RALGAPB: variants seen among roughly 807,000 people sequenced by gnomAD.
The protein encoded by RALGAPB is Ral GTPase activating protein non-catalytic subunit beta.
A neutral mutation model predicts 161.1 loss-of-function variants in RALGAPB; 25 were observed. That is an observed-to-expected ratio of 0.16 (90% confidence interval 0.11 to 0.22). The LOEUF is 0.22. Among genes scored for constraint, RALGAPB ranks in the 10% least tolerant of loss-of-function variants. The pLI is 1.00. For synonymous variants in RALGAPB, 629 were observed against 626.1 expected (o/e 1.00, Z -0.07); for missense variants, 1,391 against 1,815.2 (o/e 0.77, Z 4.25).
intron 2 of RALGAPB, 99 bp from the exon 3 acceptor site, chr20:38,492,831 A>C: frequency 1.1e-6 from 1 of 951,428 alleles, no homozygotes; most frequent in Non-Finnish European, 1.6e-6. Flanking sequence ...TATACTGTCA[A>C]TTTAGAGGTT....
At chr20:38,531,041 A>T in intron 13 of RALGAPB, 126 bp from the exon 14 acceptor site, 1 of 755,054 alleles carries the variant, frequency 1.3e-6, no homozygotes, top group Non-Finnish European at 2.2e-6. Flanking sequence ...CTATAATTTC[A>T]TGGGTATTTC....
At chr20:38,486,823 G>C (rs987865278) in intron 1 of RALGAPB, among the ~76,000 whole-genome samples, 1 of 152,084 alleles carries the variant, frequency 6.6e-6, no homozygotes, top group Non-Finnish European at 1.5e-5. Context: ...GTGGAATAGA[G>C]GGAATACCTT....
At chr20:38,531,377 A>C (rs1272227741) in intron 14 of RALGAPB, 146 bp downstream of exon 14, 1 of 687,650 alleles carries the variant, frequency 1.5e-6, no homozygotes, top group African/African-American at 1.8e-5. Context: ...TTTTAAAAAT[A>C]ATGTATATTT....
intron 1 of RALGAPB, among the ~76,000 whole-genome samples, chr20:38,473,881 A>C (rs2084724262): frequency 6.6e-6 from 1 of 152,190 alleles, no homozygotes; most frequent in Non-Finnish European, 1.5e-5. Context: ...CTTGCAGCAA[A>C]GTTTGGGAAC....
rs192319300 is a variant in RALGAPB at position 38,490,301 on chromosome 20, C to T, written c.186+1683C>T. 4.9e-3 allele frequency among the ~76,000 whole-genome samples: 744 copies of T among 152,246 alleles called. 4 individuals carry two copies. The highest frequency in any genetic ancestry group is 0.017 in the African/African-American group (698 of 41,542). ...TTGGCTCACTGCAAGCTCCACTTCCCGGGTTCACACCATTCTCCTGCCTCA... is the reference window on the plus strand; with the variant it reads ...TTGGCTCACTGCAAGCTCCACTTCCTGGGTTCACACCATTCTCCTGCCTCA... On this transcript the variant is annotated intron_variant, in intron 2 of 29. Transcript: ENST00000262879.
rs754287697 is a variant in RALGAPB at position 38,524,784 on chromosome 20, C to T, written c.1626C>T (p.Tyr542=). ...TTTTTTCTTGCTTTCCTAGATTTTA[C>T]ATGCTTTTAATTCAAGGTTTGCAGA... ...EILPAYLSRF[Y]MLLIQGLQIN... Residue 542 remains tyrosine (Y), a synonymous_variant, in exon 11 of 30, where the codon TAC becomes TAT. Transcript: ENST00000262879. 1.9e-6 allele frequency: 3 copies of T among 1,601,170 alleles called. No individual in the cohort carries two copies.
chr20:38,528,894 C>T (rs537765879), intron 13 of RALGAPB, among the ~76,000 whole-genome samples: 1 of 152,166 alleles, frequency 6.6e-6, no homozygotes, highest in South Asian at 2.1e-4. Flanking sequence ...GTTGGCCAAG[C>T]TGGTCTTGAA....
intron 15 of RALGAPB, among the ~76,000 whole-genome samples, chr20:38,534,564 G>A (rs2145355474): frequency 6.6e-6 from 1 of 152,254 alleles, no homozygotes; most frequent in Non-Finnish European, 1.5e-5. Context: ...AAGTAATCCT[G>A]GAGAATTAAA....
At chr20:38,484,991 C>A (rs1301958602) in intron 1 of RALGAPB, among the ~76,000 whole-genome samples, 8 of 152,048 alleles carry the variant, frequency 5.3e-5, no homozygotes, top group Non-Finnish European at 1.0e-4. Flanking sequence ...CACCACCACA[C>A]CTGCCTGGTG....
chr20:38,570,135 C>A, intron 27 of RALGAPB, 139 bp downstream of exon 27: 1 of 614,590 alleles, frequency 1.6e-6, no homozygotes, highest in Non-Finnish European at 2.9e-6. Context: ...GTTTGTACCC[C>A]AGCTCCACTA....
chr20:38,502,670 C>G (rs1027043264), intron 5 of RALGAPB, among the ~76,000 whole-genome samples: 2 of 152,212 alleles, frequency 1.3e-5, no homozygotes, highest in Non-Finnish European at 2.9e-5. Flanking sequence ...ACTGCAACCT[C>G]TGCCTCATTG....
At chr20:38,532,950 C>A in intron 15 of RALGAPB, 91 bp downstream of exon 15, 1 of 1,367,992 alleles carries the variant, frequency 7.3e-7, no homozygotes, top group Non-Finnish European at 1.0e-6. Context: ...TGTTAATGTT[C>A]ATGTTTTTTA....
chr20:38,534,126 G>A (rs1345985024), intron 15 of RALGAPB, among the ~76,000 whole-genome samples: 46 of 137,176 alleles, frequency 3.4e-4, no homozygotes, highest in Non-Finnish European at 4.4e-4. Context: ...GCAACAGAGC[G>A]AGACTCCATC....
rs188663298 is a variant in RALGAPB at position 38,561,698 on chromosome 20, T to G, written c.3532-834T>G. On this transcript the variant is annotated intron_variant, in intron 23 of 29. Transcript: ENST00000262879. The stretch of plus-strand genomic sequence containing the variant: ...AGGGAATTTCTTAGTTTCCTTCCTT[T>G]AAAAGTGAGTTTTTCAAGAGCAGCA... Among the ~76,000 whole-genome samples the G allele has an allele frequency of 3.3e-3, 505 of 152,338 alleles. 1 individual carries two copies. The highest frequency in any genetic ancestry group is 5.5e-3 in the Non-Finnish European group (372 of 68,030).
intron 5 of RALGAPB, 77 bp downstream of exon 5, chr20:38,499,710 A>T: frequency 7.2e-7 from 1 of 1,379,448 alleles, no homozygotes; most frequent in Non-Finnish European, 9.7e-7. Context: ...GGAATACATT[A>T]TAACAAAGGC....
chr20:38,525,703 T>C (rs2086442380), intron 12 of RALGAPB, among the ~76,000 whole-genome samples, 185 bp downstream of exon 12: 1 of 152,102 alleles, frequency 6.6e-6, no homozygotes, highest in Non-Finnish European at 1.5e-5. Flanking sequence ...TGTCAGTTTT[T>C]CTACCAGTTT....
At chr20:38,534,129 A>T (rs1458349372) in intron 15 of RALGAPB, among the ~76,000 whole-genome samples, 2 of 141,422 alleles carry the variant, frequency 1.4e-5, no homozygotes, top group Admixed American at 7.5e-5. Flanking sequence ...ACAGAGCGAG[A>T]CTCCATCTCA....
At chr20:38,531,696 T>C (rs2086655039) in intron 14 of RALGAPB, among the ~76,000 whole-genome samples, 1 of 152,194 alleles carries the variant, frequency 6.6e-6, no homozygotes, top group South Asian at 2.1e-4. Flanking sequence ...CTCTCTGCTT[T>C]GTCTTCAAGA....
chr20:38,495,572 G>A (rs2085404599), intron 3 of RALGAPB, among the ~76,000 whole-genome samples: 1 of 152,086 alleles, frequency 6.6e-6, no homozygotes. Context: ...ATAGATAGTA[G>A]GCCAGATTTG....
Sources: allele counts gnomAD v4.1 joint callset (sites outside exome capture counted in the v4.1 genomes callset), GRCh38; gene constraint gnomAD v4.1.1; transcripts MANE v1.5; gene names NCBI Gene and HGNC (gene_info 2026-07-23, HGNC 2026-07-21).